ABR: variants seen among roughly 807,000 people sequenced by gnomAD.
ABR encodes active breakpoint cluster region-related protein.
Under a neutral mutation model 107.2 loss-of-function variants are expected in ABR, and 35 were observed. That is an observed-to-expected ratio of 0.33 (90% CI 0.25 to 0.43). The LOEUF (loss-of-function observed/expected upper bound fraction) is 0.43, where lower values mean the gene tolerates loss of function less well. ABR is among the 20% of genes least tolerant of loss of function. The pLI, the probability that ABR is intolerant of heterozygous loss-of-function variation, is 1.00. For missense variants in ABR, 815 were observed against 1,115.2 expected, an observed-to-expected ratio of 0.73 and a Z score of 3.83; for synonymous variants, 498 against 462.0, an observed-to-expected ratio of 1.08 and a Z score of -1.00.
rs899082246 is a variant in ABR at position 1,148,231 on chromosome 17, G to A, written c.62-22864C>T. Among the ~76,000 whole-genome samples, 17 of 152,188 alleles carry A rather than the reference G, an allele frequency of 1.1e-4. No homozygotes were observed. Among genetic ancestry groups the A allele is most frequent in the Non-Finnish European group, 1.3e-4 (9 of 68,032 alleles). ...GTGGATGAATGGATACACAAAACGC[G>A]GCCTTTACATAAAACGGATATTATT... On this transcript the variant is annotated intron_variant, in intron 1 of 22. Transcript: ENST00000302538. This position sits in a 1 kb window ranked among gnomAD's most constrained non-coding sequence, Gnocchi z 4.9.
intron 4 of ABR, among the ~76,000 whole-genome samples, chr17:1,086,976 G>C (rs1181936244): frequency 6.6e-6 from 1 of 151,486 alleles, no homozygotes; most frequent in Non-Finnish European, 1.5e-5. Flanking sequence ...AATAGATACA[G>C]ATATGTAGTA....
chr17:1,137,533 G>A (rs1031156656), intron 1 of ABR, among the ~76,000 whole-genome samples: 3 of 152,188 alleles, frequency 2.0e-5, no homozygotes, highest in African/African-American at 7.2e-5. Context: ...CATAGATGAA[G>A]GTTGCCGGGT....
At position 1,058,055 on chromosome 17, in the gene ABR, G is replaced by A. The variant is rs1567670776; in HGVS notation, c.1306-10C>T. 1 of 1,609,930 alleles carries A rather than the reference G, an allele frequency of 6.2e-7. No individual in the cohort carries two copies. Among genetic ancestry groups the A allele is most frequent in the South Asian group, 1.1e-5 (1 of 91,006 alleles). On this transcript the variant is annotated splice_polypyrimidine_tract_variant and intron_variant, in intron 11 of 22. Coordinates refer to ENST00000302538, the MANE Select transcript of ABR (RefSeq NM_021962.5). ...GTAGGAACAGGTAACTCTGAAGAGA[G>A]GAGATAAGCATAAAGTGGGTGACCA...
chr17:1,067,040 C>G, intron 10 of ABR, 37 bp downstream of exon 10: 3 of 1,606,342 alleles, frequency 1.9e-6, no homozygotes, highest in African/African-American at 2.7e-5. Flanking sequence ...ACAGCTGGCT[C>G]AAAGGGCCCC....
At chr17:1,123,787 G>A (rs1043279093) in intron 2 of ABR, among the ~76,000 whole-genome samples, 10 of 152,122 alleles carry the variant, frequency 6.6e-5, no homozygotes, top group South Asian at 2.1e-4. Context: ...GTTGGCCCCC[G>A]TTCAGGTCCC....
chr17:1,196,663 G>A (rs2042573336), intron 1 of ABR, among the ~76,000 whole-genome samples: 1 of 150,812 alleles, frequency 6.6e-6, no homozygotes, highest in Non-Finnish European at 1.5e-5. Flanking sequence ...GGAGAAGACG[G>A]CACCACAGGA....
chr17:1,053,820 G>A (rs1420735591), intron 14 of ABR, among the ~76,000 whole-genome samples: 2 of 124,194 alleles, frequency 1.6e-5, no homozygotes, highest in Non-Finnish European at 3.5e-5. Context: ...AGGGAGGGGC[G>A]GCATCTGGGG....
At chr17:1,113,933 C>T (rs1200752147) in intron 2 of ABR, among the ~76,000 whole-genome samples, 2 of 151,848 alleles carry the variant, frequency 1.3e-5, no homozygotes, top group Non-Finnish European at 2.9e-5. Flanking sequence ...TTCGGGAGGC[C>T]GAGGCAGGAG....
At chr17:1,181,211 C>T (rs1419623913), upstream of ABR, among the ~76,000 whole-genome samples, 2 of 152,206 alleles carry the variant, frequency 1.3e-5, no homozygotes, top group African/African-American at 2.4e-5. Context: ...AACAGACACA[C>T]ACACATCTAG....
intron 3 of ABR, 64 bp from the exon 4 acceptor site, chr17:1,091,914 C>G (rs1390314950): frequency 8.6e-6 from 13 of 1,517,970 alleles, no homozygotes; most frequent in Non-Finnish European, 1.2e-5. Flanking sequence ...GTCGGCAGGC[C>G]CCGGGGCCGA....
Position 1,012,761 on chromosome 17 carries a change from C to A in ABR, c.1888G>T (p.Asp630Tyr). The A allele has an allele frequency of 1.9e-6, 3 of 1,596,292 alleles. No homozygotes were observed. Among genetic ancestry groups the A allele is most frequent in the Non-Finnish European group, 2.6e-6 (3 of 1,170,776 alleles). Residue 630 changes from aspartate to tyrosine, a missense_variant, in exon 18 of 23, where the codon GAT becomes TAT. This residue lies in a region of ABR where 92 missense variants were observed against 82.3 expected (regional missense o/e 1.12). Coordinates refer to ENST00000302538, the MANE Select transcript of ABR (RefSeq NM_021962.5). ...GACGGGGTCCTCTTCAGGCTCATAT[C>A]TCGGCTGGTGAATTTCATGGAAAAT... is the stretch of plus-strand genomic sequence containing the variant. ...VEFSMKFTSR[D>Y]MSLKRTPSKK...
rs75838439 is a variant in ABR at position 1,159,457 on chromosome 17, A to G, written c.61+20210T>C. Among the ~76,000 whole-genome samples, 36 of 20,126 alleles carry G rather than the reference A, an allele frequency of 1.8e-3. 5 individuals are homozygous for G. Among genetic ancestry groups the G allele is most frequent in the African/African-American group, 7.5e-3 (28 of 3,732 alleles). The allele number at this position is 20,126 out of a possible 152,430, so 13.2% of individuals were successfully genotyped here. A position where few individuals can be genotyped will look rare whatever the true frequency, so the allele number is the denominator to read the frequency against. ...GGTAAGAATGCGGTACTCACACACA[A>G]GGGAAGTAAGAATGCAGTACTCACG... On this transcript the variant is annotated intron_variant, in intron 1 of 22. Coordinates refer to ENST00000302538, the MANE Select transcript of ABR (RefSeq NM_021962.5).
At chr17:1,080,006 C>T (rs1442861402) in intron 5 of ABR, among the ~76,000 whole-genome samples, 1 of 151,654 alleles carries the variant, frequency 6.6e-6, no homozygotes, top group East Asian at 1.9e-4. Context: ...ACAGGAACCC[C>T]GACTCAGGAA....
At chr17:1,098,075 CT>C (rs71372509) in intron 3 of ABR, among the ~76,000 whole-genome samples, 17,439 of 140,476 alleles carry the variant, frequency 0.12, 1,051 homozygotes, top group South Asian at 0.23. Flanking sequence ...GTTTTCTTTT[CT>C]TTTTTTTTTT....
chr17:1,184,412 G>A (rs113942619), upstream of ABR, among the ~76,000 whole-genome samples: 4,071 of 152,046 alleles, frequency 0.027, 194 homozygotes, highest in African/African-American at 0.092. Context: ...CTGAGATCAC[G>A]CCACTGCACT....
intron 10 of ABR, among the ~76,000 whole-genome samples, chr17:1,065,916 T>C (rs1318275487): frequency 2.0e-5 from 3 of 152,140 alleles, no homozygotes; most frequent in Non-Finnish European, 4.4e-5. Flanking sequence ...AGGCTAATTT[T>C]GTATTTTCAG....
At chr17:1,009,894 C>T in intron 20 of ABR, 110 bp from the exon 21 acceptor site, 1 of 943,228 alleles carries the variant, frequency 1.1e-6, no homozygotes. Context: ...GCTTCCAGGC[C>T]TTTGGGGAGC....
Position 1,012,214 on chromosome 17 carries a change from A to G in ABR, c.1962-229T>C, listed in dbSNP as rs1483779857. On this transcript the variant is annotated intron_variant, in intron 18 of 22. Coordinates refer to ENST00000302538, the MANE Select transcript of ABR (RefSeq NM_021962.5). ...GACGTGGGCAGGAGAAGCCTTGGGAACTTGGGAAGGTAAGGCCGAGACTCT... is the reference window on the plus strand; with the variant it reads ...GACGTGGGCAGGAGAAGCCTTGGGAGCTTGGGAAGGTAAGGCCGAGACTCT... The G allele has an allele frequency of 5.6e-6, 4 of 717,916 alleles. No individual in the cohort carries two copies. In the Admixed American group the frequency reaches 8.1e-5, roughly 15 times the overall value. 44.5% of individuals were successfully genotyped at this position (717,916 alleles called of 1,614,324 possible).
chr17:1,172,169 G>A (rs544976779), intron 1 of ABR, among the ~76,000 whole-genome samples: 5 of 152,354 alleles, frequency 3.3e-5, no homozygotes, highest in East Asian at 1.9e-4. Context: ...GTCTCGACCC[G>A]GGGACAGAGA....
Sources: gnomAD v4.1 joint callset for allele counts (sites outside exome capture counted in the v4.1 genomes callset) on GRCh38, gnomAD v4.1.1 for gene constraint, gnomAD v4.1.1 regional missense constraint, Gnocchi (gnomAD v3.1) non-coding constraint, MANE v1.5 for transcripts, NCBI Gene and HGNC (gene_info 2026-07-23, HGNC 2026-07-21) for gene names.